Variants in PEX14 observed in about 807,000 individuals in gnomAD.
PEX14 encodes the protein peroxisomal biogenesis factor 14.
PEX14 carries 15 observed loss-of-function variants against 49.5 expected under a neutral mutation model. The observed-to-expected ratio is 0.30, with a 90% confidence interval of 0.20 to 0.47. PEX14 has a LOEUF of 0.47. Among genes scored for constraint, PEX14 ranks in the 20% least tolerant of loss-of-function variants. PEX14 has a pLI of 1.00. For synonymous variants in PEX14, 210 were observed against 212.7 expected, an observed-to-expected ratio of 0.99 and a Z score of 0.11; for missense variants, 398 against 494.8, an observed-to-expected ratio of 0.80 and a Z score of 1.86.
chr1:10,612,394 C>T (rs1054448559), intron 4 of PEX14, among the ~76,000 whole-genome samples: 3 of 152,078 alleles, frequency 2.0e-5, no homozygotes, highest in African/African-American at 4.8e-5. Flanking sequence ...ATATGCCTCT[C>T]GGTGTCCTTC....
intron 3 of PEX14, among the ~76,000 whole-genome samples, chr1:10,583,956 G>C (rs954531084): frequency 6.6e-6 from 1 of 151,606 alleles, no homozygotes; most frequent in Non-Finnish European, 1.5e-5. Flanking sequence ...TAGGGCAACA[G>C]TATCTTGGTA....
In PEX14 at chr1:10,620,815, AAACAG is replaced by A. The variant is rs1036512927; in HGVS notation, c.385-2194_385-2190del. ...CTTTGTCTCAAATAAATACATAAAT[AAACAG>A]AACAGAACAAAAACACCTCTTGGGA... On this transcript the variant is annotated intron_variant, in intron 5 of 8. Coordinates refer to ENST00000356607, the MANE Select transcript of PEX14 (RefSeq NM_004565.3). Among the ~76,000 whole-genome samples the A allele has an allele frequency of 1.0e-3, 153 of 152,332 alleles. 1 individual carries two copies. The highest frequency in any genetic ancestry group is 3.6e-3 in the African/African-American group (148 of 41,564).
At chr1:10,588,930 GA>G (rs1042374729) in intron 3 of PEX14, among the ~76,000 whole-genome samples, 3 of 152,084 alleles carry the variant, frequency 2.0e-5, no homozygotes, top group East Asian at 3.9e-4. Flanking sequence ...TGTGAAAGAG[GA>G]AAAAAAATTT....
At position 10,507,438 on chromosome 1, in the gene PEX14, C is replaced by G. The variant is rs548825115; in HGVS notation, c.84+12117C>G. Among the ~76,000 whole-genome samples, 22 of 152,370 alleles carry G rather than the reference C, an allele frequency of 1.4e-4. 1 individual carries two copies. The South Asian group carries it at 4.6e-3, about 32-fold the overall frequency. On this transcript the variant is annotated intron_variant, in intron 2 of 8. Coordinates refer to ENST00000356607, the MANE Select transcript of PEX14 (RefSeq NM_004565.3). ...CGTGGTTGGAGTCTTTTGTGTGCATCTTAGCTGTTGAAAAGGCGCCTATTA... is the reference window on the plus strand; with the variant it reads ...CGTGGTTGGAGTCTTTTGTGTGCATGTTAGCTGTTGAAAAGGCGCCTATTA...
At chr1:10,475,144 C>A in intron 1 of PEX14, 142 bp downstream of exon 1, 2 of 757,672 alleles carry the variant, frequency 2.6e-6, no homozygotes, top group East Asian at 5.4e-5. Flanking sequence ...AGCCCCGCCC[C>A]TCCCCAGGTC....
At chr1:10,532,248 G>C (rs143785647) in intron 2 of PEX14, among the ~76,000 whole-genome samples, 19 of 152,236 alleles carry the variant, frequency 1.2e-4, no homozygotes, top group Non-Finnish European at 2.2e-4. Flanking sequence ...GCAAAGACAA[G>C]AATTTACTCC....
At chr1:10,500,219 A>G (rs1354070815) in intron 2 of PEX14, among the ~76,000 whole-genome samples, 2 of 150,906 alleles carry the variant, frequency 1.3e-5, no homozygotes, top group East Asian at 2.0e-4. Flanking sequence ...CCTGGCTAAC[A>G]TGGCAAAACC....
rs368216068 is a variant in PEX14, at chr1:10,581,160, G to A, written c.170-18078G>A. On this transcript the variant is annotated intron_variant, in intron 3 of 8. Coordinates refer to ENST00000356607, the MANE Select transcript of PEX14 (RefSeq NM_004565.3). ...ATGGGAAATAGTATGCTGTTGCCAC[G>A]TCTGAGGCTGGAGCTTGAAGTCTAC... is the stretch of plus-strand genomic sequence containing the variant. Among the ~76,000 whole-genome samples the A allele has an allele frequency of 9.9e-4, 150 of 152,188 alleles. 1 individual carries two copies. The highest frequency in any genetic ancestry group is 3.3e-3 in the African/African-American group (135 of 41,526).
chr1:10,486,038 G>A (rs550670660), intron 1 of PEX14, among the ~76,000 whole-genome samples: 4 of 152,226 alleles, frequency 2.6e-5, no homozygotes, highest in Admixed American at 6.5e-5. Flanking sequence ...GATTACAGGT[G>A]TGAGCCACCG....
intron 3 of PEX14, among the ~76,000 whole-genome samples, chr1:10,576,889 TG>T (rs1318505835): frequency 6.6e-6 from 1 of 151,902 alleles, no homozygotes; most frequent in Non-Finnish European, 1.5e-5. Flanking sequence ...CCCAAGTAGC[TG>T]GGATTACAGG....
At chr1:10,499,903 C>A (rs1480723614) in intron 2 of PEX14, among the ~76,000 whole-genome samples, 1 of 152,062 alleles carries the variant, frequency 6.6e-6, no homozygotes, top group Non-Finnish European at 1.5e-5. Context: ...CTCCAAGTGC[C>A]AAAGTGCCCT....
At chr1:10,480,387 C>CTTTTT (rs34544712) in intron 1 of PEX14, among the ~76,000 whole-genome samples, 17 of 87,304 alleles carry the variant, frequency 1.9e-4, no homozygotes, top group Non-Finnish European at 2.4e-4. Flanking sequence ...GCCTGGCTAA[C>CTTTTT]TTTTTTTTTT....
intron 3 of PEX14, among the ~76,000 whole-genome samples, chr1:10,587,002 A>G (rs1055103521): frequency 9.9e-5 from 15 of 152,098 alleles, no homozygotes; most frequent in African/African-American, 3.6e-4. Context: ...TTAGGTGGTG[A>G]CTGGGAGGAG....
At position 10,628,632 on chromosome 1, in the gene PEX14, C is replaced by T. The variant is rs759187058; in HGVS notation, c.678-899C>T. Among the ~76,000 whole-genome samples the T allele has an allele frequency of 1.6e-4, 24 of 152,334 alleles. No homozygotes were observed. The highest frequency in any genetic ancestry group is 3.4e-3 in the Middle Eastern group (1 of 294). ...AGGCTGGGGATGGAGGCCAGGCCATCGGGTGACCGTGGGGGCCAAGAAAAC... is the reference window on the plus strand; with the variant it reads ...AGGCTGGGGATGGAGGCCAGGCCATTGGGTGACCGTGGGGGCCAAGAAAAC... On this transcript the variant is annotated intron_variant, in intron 8 of 8. Transcript: ENST00000356607. The surrounding 1 kb of genome is among the most constrained non-coding windows in gnomAD (Gnocchi z 4.5).
chr1:10,627,371 G>A lies in PEX14; in HGVS notation c.677+8G>A, dbSNP rs780300790. 1 of 1,568,912 alleles carries A rather than the reference G, an allele frequency of 6.4e-7. No homozygotes were observed. The highest frequency in any genetic ancestry group is 1.7e-5 in the Admixed American group (1 of 59,962). ...AGGGCTTCTTTTAAATCGGTAGGAGGGAGGAATGGGGACCCTGTTCTGGTC... is the reference window on the plus strand; with the variant it reads ...AGGGCTTCTTTTAAATCGGTAGGAGAGAGGAATGGGGACCCTGTTCTGGTC... On this transcript the variant is annotated splice_region_variant and intron_variant, in intron 8 of 8. Transcript: ENST00000356607.
intron 3 of PEX14, among the ~76,000 whole-genome samples, chr1:10,592,425 AC>A (rs1401852977): frequency 6.6e-6 from 1 of 152,162 alleles, no homozygotes; most frequent in African/African-American, 2.4e-5. Flanking sequence ...GAAAAAAAAA[AC>A]CTTTAGATTA....
intron 3 of PEX14, among the ~76,000 whole-genome samples, chr1:10,588,706 A>T (rs1640572522): frequency 6.6e-6 from 1 of 152,156 alleles, no homozygotes; most frequent in Non-Finnish European, 1.5e-5. Context: ...TGGTCATGGT[A>T]TCCAAGTGCT....
chr1:10,613,034 T>C lies in PEX14; in HGVS notation c.299-5298T>C, dbSNP rs1641315381. ...CAGCACATCACTGGAGTGCCTGTTGTCTCGGCAGGATGGTTCCGTGACAGC... is the reference window on the plus strand; with the variant it reads ...CAGCACATCACTGGAGTGCCTGTTGCCTCGGCAGGATGGTTCCGTGACAGC... On this transcript the variant is annotated intron_variant, in intron 4 of 8. Transcript: ENST00000356607. The surrounding 1 kb of genome is among the most constrained non-coding windows in gnomAD (Gnocchi z 5.0). Among the ~76,000 whole-genome samples, 1 of 152,242 alleles carries C rather than the reference T, an allele frequency of 6.6e-6. No homozygotes were observed. The highest frequency in any genetic ancestry group is 1.5e-5 in the Non-Finnish European group (1 of 68,044).
chr1:10,554,746 C>G (rs987355054), intron 3 of PEX14, among the ~76,000 whole-genome samples: 1 of 151,572 alleles, frequency 6.6e-6, no homozygotes, highest in Non-Finnish European at 1.5e-5. Flanking sequence ...CAGAGCCTCA[C>G]ACTGTCACCC....
Sources: allele counts gnomAD v4.1 joint callset (sites outside exome capture counted in the v4.1 genomes callset), GRCh38; gene constraint gnomAD v4.1.1; non-coding constraint Gnocchi (gnomAD v3.1); transcripts MANE v1.5; gene names NCBI Gene and HGNC (gene_info 2026-07-23, HGNC 2026-07-21).